NHERF2: variants seen among roughly 807,000 people sequenced by gnomAD.
NHERF2 encodes the protein NHERF family PDZ scaffold protein 2, also known as Na(+)/H(+) exchange regulatory cofactor NHE-RF2.
chr16:2,036,633 G>A, the NHERF2 span: 69 of 1,551,848 alleles, frequency 4.4e-5, 1 homozygote, highest in Admixed American at 1.2e-4. Context: ...CTCGGTGGGC[G>A]GTGGCTGTGA....
At chr16:2,033,184 A>G in the NHERF2 span, 1 of 1,437,428 alleles carries the variant, frequency 7.0e-7, no homozygotes, top group Non-Finnish European at 9.1e-7. Flanking sequence ...GAGCGGGCTC[A>G]GTCATCACCC....
the NHERF2 span, chr16:2,036,796 C>T: frequency 1.8e-5 from 29 of 1,613,300 alleles, no homozygotes; most frequent in Admixed American, 6.7e-5. Flanking sequence ...CACGGGAGGA[C>T]GAGGCCCGGC....
the NHERF2 span, chr16:2,037,740 T>C: frequency 1.3e-6 from 2 of 1,550,140 alleles, no homozygotes; most frequent in Non-Finnish European, 1.7e-6. Context: ...AGGCAGCCTC[T>C]GTTGGTTGCT....
At chr16:2,037,608 T>C in the NHERF2 span, 4 of 1,611,864 alleles carry the variant, frequency 2.5e-6, no homozygotes, top group Non-Finnish European at 3.4e-6. Context: ...GAGGTATGGA[T>C]GTTCTCCACT....
chr16:2,033,485 C>A, the NHERF2 span: 1 of 1,487,264 alleles, frequency 6.7e-7, no homozygotes, highest in Non-Finnish European at 9.0e-7. Flanking sequence ...AGCCGCTCAG[C>A]CTCCCGGGGT....
the NHERF2 span, chr16:2,038,204 A>T: frequency 1.7e-6 from 1 of 602,804 alleles, no homozygotes; most frequent in Non-Finnish European, 2.9e-6. Context: ...GATGTGAGAG[A>T]GAGTCAGAGA....
At chr16:2,038,443 G>A in the NHERF2 span, 4 of 336,044 alleles carry the variant, frequency 1.2e-5, no homozygotes, top group East Asian at 1.3e-4. Context: ...CTTGGGACGC[G>A]CTCTAAATAA....
chr16:2,026,988 C>T, the NHERF2 span: 4 of 1,071,460 alleles, frequency 3.7e-6, no homozygotes, highest in African/African-American at 1.7e-5. Flanking sequence ...CGCGGGCGGC[C>T]GGTGGGCAGC....
the NHERF2 span, chr16:2,027,148 CCGCGCTGCGCGCTGGG>C: frequency 6.8e-7 from 1 of 1,475,234 alleles, no homozygotes; most frequent in Non-Finnish European, 8.9e-7. Context: ...GCCGAGGCCG[CCGCGCTGCGCGCTGGG>C]GACCGCCTGG....
the NHERF2 span, among the ~76,000 whole-genome samples, chr16:2,034,357 G>C: frequency 1.5e-5 from 2 of 135,404 alleles, no homozygotes; most frequent in Non-Finnish European, 3.2e-5. Context: ...CTCCCCTCCC[G>C]AACTGGACTC....
At chr16:2,028,670 C>T in the NHERF2 span, among the ~76,000 whole-genome samples, 2 of 152,174 alleles carry the variant, frequency 1.3e-5, no homozygotes, top group African/African-American at 4.8e-5. Context: ...GAAGATGGGC[C>T]TGGCTCAGTC....
At chr16:2,030,655 C>G in the NHERF2 span, among the ~76,000 whole-genome samples, 1 of 149,262 alleles carries the variant, frequency 6.7e-6, no homozygotes, top group Non-Finnish European at 1.5e-5. Flanking sequence ...AAAGAGAACC[C>G]TGGCCGGGTG....
At chr16:2,033,855 C>T in the NHERF2 span, among the ~76,000 whole-genome samples, 4 of 152,242 alleles carry the variant, frequency 2.6e-5, no homozygotes, top group African/African-American at 9.6e-5. Flanking sequence ...GCAGCCCACC[C>T]TGGCCCCTCC....
At chr16:2,038,490 C>T in the NHERF2 span, 2 of 378,780 alleles carry the variant, frequency 5.3e-6, no homozygotes. Context: ...AAACCATTTC[C>T]TCCCCGCCCC....
chr16:2,032,002 G>A, the NHERF2 span, among the ~76,000 whole-genome samples: 1 of 151,358 alleles, frequency 6.6e-6, no homozygotes, highest in Non-Finnish European at 1.5e-5. The surrounding 1 kb of genome is among the most constrained non-coding windows in gnomAD (Gnocchi z 4.0). Flanking sequence ...CCTGAGGTCT[G>A]AGGTTTCATT....
At chr16:2,029,657 C>T in the NHERF2 span, 40 of 1,569,216 alleles carry the variant, frequency 2.5e-5, no homozygotes, top group African/African-American at 2.8e-4. Flanking sequence ...TGAGGAGCTC[C>T]GCCGGCGGCA....
the NHERF2 span, chr16:2,027,168 C>A: frequency 6.8e-7 from 1 of 1,472,180 alleles, no homozygotes; most frequent in Non-Finnish European, 9.0e-7. Context: ...CGCTGGGGAC[C>A]GCCTGGTCGA....
At chr16:2,037,071 C>A in the NHERF2 span, 1 of 1,503,890 alleles carries the variant, frequency 6.6e-7, no homozygotes, top group Non-Finnish European at 9.0e-7. Context: ...GCCCCCTTCT[C>A]CCTGGAGATC....
chr16:2,036,115 T>C, the NHERF2 span: 1 of 527,402 alleles, frequency 1.9e-6, no homozygotes, highest in South Asian at 3.1e-5. Context: ...TCGGGGAGGC[T>C]TCTGGGTTTG....
Sources: allele counts gnomAD v4.1 joint callset (sites outside exome capture counted in the v4.1 genomes callset), GRCh38; gene constraint gnomAD v4.1.1; non-coding constraint Gnocchi (gnomAD v3.1); transcripts MANE v1.5; gene names NCBI Gene and HGNC (gene_info 2026-07-23, HGNC 2026-07-21).